Variants in RNF130 observed in about 807,000 individuals in gnomAD.
RNF130 encodes ring finger protein 130.
In RNF130, 21 loss-of-function variants were observed where a neutral mutation model predicts 44.6. The ratio of observed to expected loss-of-function variants is 0.47; its 90% CI spans 0.33 to 0.68. The LOEUF (loss-of-function observed/expected upper bound fraction) is 0.68. Ranked by LOEUF, RNF130 falls within the 30% of genes least tolerant of loss-of-function variation. The pLI is 0.02. For synonymous variants in RNF130, 214 were observed against 210.4 expected (o/e 1.02, Z -0.15); for missense variants, 479 against 560.6 (o/e 0.85, Z 1.47).
chr5:180,018,880 C>T (rs1763804519), intron 2 of RNF130, among the ~76,000 whole-genome samples: 1 of 152,190 alleles, frequency 6.6e-6, no homozygotes, highest in Non-Finnish European at 1.5e-5. Flanking sequence ...TGGGAGTAAA[C>T]CCCGGGGCAA....
intron 5 of RNF130, among the ~76,000 whole-genome samples, chr5:179,972,428 C>T (rs562538709): frequency 3.7e-4 from 56 of 152,284 alleles, no homozygotes; most frequent in African/African-American, 1.2e-3. Flanking sequence ...ACAGGGTGGA[C>T]GATGGGACTT....
chr5:179,933,421 T>TGTGTGTGTGTGTGTGA, intron 7 of RNF130, among the ~76,000 whole-genome samples: 1 of 151,874 alleles, frequency 6.6e-6, no homozygotes, highest in Admixed American at 6.6e-5. Context: ...TGTGTGTGTG[T>TGTGTGTGTGTGTGTGA]GAGTGTGTGG....
At chr5:180,051,946 T>C (rs897601574) in intron 1 of RNF130, among the ~76,000 whole-genome samples, 3 of 152,208 alleles carry the variant, frequency 2.0e-5, no homozygotes, top group African/African-American at 7.2e-5. Flanking sequence ...CATACAAAGT[T>C]GGTGTCACAG....
intron 3 of RNF130, among the ~76,000 whole-genome samples, chr5:180,007,949 TG>T (rs1194817570): frequency 6.6e-6 from 1 of 151,960 alleles, no homozygotes; most frequent in Non-Finnish European, 1.5e-5. Context: ...TTACTTTCAG[TG>T]TTTCGTATGT....
At chr5:179,989,351 G>C (rs1000741540) in intron 3 of RNF130, among the ~76,000 whole-genome samples, 1 of 152,142 alleles carries the variant, frequency 6.6e-6, no homozygotes, top group African/African-American at 2.4e-5. Flanking sequence ...GCCGGATACT[G>C]AATTTCCCAA....
rs1258046042 is a variant in RNF130, at chr5:180,040,761, G to A, written c.248-114C>T. 2.3e-5 allele frequency: 20 copies of A among 886,388 alleles called. No individual in the cohort carries two copies. The South Asian group carries it at 2.6e-4, about 11-fold the overall frequency. 54.9% of individuals were successfully genotyped at this position (886,388 alleles called of 1,614,324 possible). A position where few individuals can be genotyped will look rare whatever the true frequency, so the allele number is the denominator to read the frequency against. Reference sequence around the variant, plus strand: ...AGAGCTAAAGCACGTGAAGCAGCTCGCTGCCAGCAGAGCTATGAATACATC... The same window carrying A: ...AGAGCTAAAGCACGTGAAGCAGCTCACTGCCAGCAGAGCTATGAATACATC... On this transcript the variant is annotated intron_variant, in intron 1 of 8. Coordinates refer to ENST00000521389, the MANE Select transcript of RNF130 (RefSeq NM_018434.6).
At position 180,013,100 on chromosome 5, in the gene RNF130, A is replaced by T. The variant is rs753794683; in HGVS notation, c.654T>A (p.Ile218=). 1 of 1,613,886 alleles carries T rather than the reference A, an allele frequency of 6.2e-7. No homozygotes were observed. The highest frequency in any genetic ancestry group is 1.3e-5 in the African/African-American group (1 of 74,906). Residue 218 remains isoleucine, a synonymous_variant, in exon 3 of 9, where the codon ATT becomes ATA. Transcript: ENST00000521389. ...ISSAWLIFYF[I]QKIRYTNARD... ...GTGCATTTGTGTACCTGATCTTCTG[A>T]ATGAAGTAGAATATGAGCCATGCTG...
At chr5:179,954,537 T>C (rs1385653460), downstream of RNF130, among the ~76,000 whole-genome samples, 1 of 152,160 alleles carries the variant, frequency 6.6e-6, no homozygotes, top group Non-Finnish European at 1.5e-5. Flanking sequence ...ATAGAAACAA[T>C]GAGTAGATTT....
chr5:179,997,462 T>C (rs1318829791), intron 3 of RNF130, among the ~76,000 whole-genome samples: 2 of 152,180 alleles, frequency 1.3e-5, no homozygotes, highest in African/African-American at 4.8e-5. Context: ...TAGCTGGGAC[T>C]ACAGACTCCC....
chr5:179,912,638 C>T (rs1490837814), exon 8 of RNF130: 1 of 152,262 alleles, frequency 6.6e-6, no homozygotes, highest in Admixed American at 6.5e-5. Flanking sequence ...GTCCACAGAG[C>T]ACAGCCAGCA....
chr5:180,036,572 A>G (rs1455213957), intron 2 of RNF130, among the ~76,000 whole-genome samples: 1 of 152,194 alleles, frequency 6.6e-6, no homozygotes, highest in Admixed American at 6.5e-5. Flanking sequence ...TCAAAGCATA[A>G]ATGTGTCTCA....
chr5:180,024,245 G>GA (rs1378522990), intron 2 of RNF130, among the ~76,000 whole-genome samples: 4 of 151,668 alleles, frequency 2.6e-5, no homozygotes, highest in South Asian at 4.2e-4. Context: ...TCCTAGAACA[G>GA]AAAAAAAACT....
At chr5:179,989,464 C>T (rs192744320) in intron 3 of RNF130, among the ~76,000 whole-genome samples, 1 of 152,272 alleles carries the variant, frequency 6.6e-6, no homozygotes, top group Non-Finnish European at 1.5e-5. Flanking sequence ...TTTGAATTGT[C>T]ATATCCTCCT....
At position 179,978,696 on chromosome 5, in the gene RNF130, G is replaced by A. The variant is rs1282982222; in HGVS notation, c.766-411C>T. Among the ~76,000 whole-genome samples the A allele has an allele frequency of 3.9e-5, 6 of 152,280 alleles. No individual in the cohort carries two copies. The East Asian group carries it at 1.2e-3, about 29-fold the overall frequency. On this transcript the variant is annotated intron_variant, in intron 4 of 8. Coordinates refer to ENST00000521389, the MANE Select transcript of RNF130 (RefSeq NM_018434.6). ...GATGTTCACTTAAACACACACCTAA[G>A]TACAGACAGGAAAGATGGTGAGTTG...
chr5:179,966,414 T>C (rs1439988106), intron 7 of RNF130, among the ~76,000 whole-genome samples: 1 of 152,234 alleles, frequency 6.6e-6, no homozygotes, highest in African/African-American at 2.4e-5. Flanking sequence ...AAGTAGCCTG[T>C]AGCCCCGGAG....
intron 1 of RNF130, among the ~76,000 whole-genome samples, chr5:180,062,324 T>C (rs1765006240): frequency 6.6e-6 from 1 of 152,034 alleles, no homozygotes; most frequent in Non-Finnish European, 1.5e-5. Flanking sequence ...CCTCCCAAAG[T>C]GCTGGGATTA....
intron 2 of RNF130, among the ~76,000 whole-genome samples, chr5:180,026,954 G>A (rs1582200920): frequency 6.6e-6 from 1 of 152,310 alleles, no homozygotes; most frequent in East Asian, 1.9e-4. Flanking sequence ...CTGTCATGGA[G>A]GCACAGAGAG....
At chr5:179,930,026 A>G (rs1036277425) in intron 7 of RNF130, among the ~76,000 whole-genome samples, 3 of 151,920 alleles carry the variant, frequency 2.0e-5, no homozygotes, top group African/African-American at 7.3e-5. Flanking sequence ...TGTAAATGTT[A>G]TCTTTTTTGA....
chr5:180,057,838 C>T (rs7734329), intron 1 of RNF130, among the ~76,000 whole-genome samples: 2 of 151,938 alleles, frequency 1.3e-5, no homozygotes, highest in African/African-American at 2.4e-5. Flanking sequence ...CTGAGTAGGG[C>T]GTTACGGGAA....
Sources: allele counts gnomAD v4.1 joint callset (sites outside exome capture counted in the v4.1 genomes callset), GRCh38; gene constraint gnomAD v4.1.1; transcripts MANE v1.5; gene names NCBI Gene and HGNC (gene_info 2026-07-23, HGNC 2026-07-21).